C6orf52: variants seen among roughly 807,000 people sequenced by gnomAD.
C6orf52 encodes the protein chromosome 6 open reading frame 52.
C6orf52 carries 16 observed loss-of-function variants against 16.6 expected under a neutral mutation model. That is an observed-to-expected ratio of 0.96 (90% CI 0.65 to 1.46). C6orf52 has a LOEUF of 1.46. Ranked by LOEUF, C6orf52 falls within the 40% of genes most tolerant of loss-of-function variation. The pLI is 0.00. For missense variants in C6orf52, 166 were observed against 182.3 expected, an observed-to-expected ratio of 0.91 and a Z score of 0.52; for synonymous variants, 53 against 61.4, an observed-to-expected ratio of 0.86 and a Z score of 0.64.
At chr6:10,690,504 C>T (rs976859102) in intron 1 of C6orf52, among the ~76,000 whole-genome samples, 1 of 152,130 alleles carries the variant, frequency 6.6e-6, no homozygotes, top group African/African-American at 2.4e-5. Context: ...GAGAATTCAG[C>T]AGGAATATGA....
intron 4 of C6orf52, among the ~76,000 whole-genome samples, chr6:10,673,424 A>G (rs1453750412): frequency 6.6e-6 from 1 of 152,252 alleles, no homozygotes; most frequent in African/African-American, 2.4e-5. Context: ...ATGTTGTCCA[A>G]CACAGTAGCC....
intron 4 of C6orf52, among the ~76,000 whole-genome samples, chr6:10,675,494 G>T (rs1035465402): frequency 6.6e-6 from 1 of 152,192 alleles, no homozygotes; most frequent in Admixed American, 6.5e-5. Context: ...AGACACGGAG[G>T]TACAGATGTC....
In C6orf52 at chr6:10,671,524, G is replaced by A; in HGVS notation, c.391C>T (p.Leu131Phe). The A allele has an allele frequency of 6.5e-7, 1 of 1,549,296 alleles. No homozygotes were observed. The highest frequency in any genetic ancestry group is 8.7e-7 in the Non-Finnish European group (1 of 1,145,110). Residue 131 changes from leucine to phenylalanine, a missense_variant, in exon 5 of 5, where the codon CTC becomes TTC. Physicochemically the swap from Leu to Phe is conservative, Grantham distance 22 (BLOSUM62 0). Transcript: ENST00000259983. ...AGAGGCTGCCAGTGGCAATTCATGA[G>A]GGAGTCGTAGAGTTCTTCACTTTTC... ...MVKSEELYDS[L>F]MNCHWQPLDT...
chr6:10,685,517 T>G (rs529093262), intron 3 of C6orf52, among the ~76,000 whole-genome samples: 1 of 152,312 alleles, frequency 6.6e-6, no homozygotes, highest in East Asian at 1.9e-4. Flanking sequence ...GATATAAAAT[T>G]CAATTTTCAT....
intron 4 of C6orf52, among the ~76,000 whole-genome samples, chr6:10,677,679 G>A (rs1004923153): frequency 2.0e-5 from 3 of 151,440 alleles, no homozygotes; most frequent in Admixed American, 6.6e-5. Context: ...CTACAGGCAC[G>A]CATGCCACTA....
intron 4 of C6orf52, among the ~76,000 whole-genome samples, chr6:10,675,453 G>T (rs1767795961): frequency 6.6e-6 from 1 of 152,070 alleles, no homozygotes; most frequent in South Asian, 2.1e-4. Flanking sequence ...GTTTGATTCT[G>T]TATCTTGGCT....
chr6:10,688,277 G>C (rs1769022608), intron 1 of C6orf52, among the ~76,000 whole-genome samples: 1 of 152,030 alleles, frequency 6.6e-6, no homozygotes, highest in Non-Finnish European at 1.5e-5. Flanking sequence ...TTAAAATGTA[G>C]GTTCTCTAAC....
intron 4 of C6orf52, among the ~76,000 whole-genome samples, chr6:10,675,060 C>T (rs1442432274): frequency 6.6e-6 from 1 of 152,052 alleles, no homozygotes; most frequent in Admixed American, 6.6e-5. Flanking sequence ...CCACCCACCT[C>T]GGCCTCCCAA....
intron 4 of C6orf52, among the ~76,000 whole-genome samples, chr6:10,674,419 C>T (rs1382088212): frequency 1.3e-5 from 2 of 152,120 alleles, no homozygotes; most frequent in African/African-American, 4.8e-5. Context: ...TTTAAAATTA[C>T]CCACATGGAT....
intron 1 of C6orf52, among the ~76,000 whole-genome samples, chr6:10,689,750 G>C (rs1769134620): frequency 6.6e-6 from 1 of 152,164 alleles, no homozygotes; most frequent in African/African-American, 2.4e-5. Context: ...GTGACATCCA[G>C]GAAGGCATCA....
intron 3 of C6orf52, chr6:10,684,917 G>C (rs1482438331): frequency 7.8e-7 from 1 of 1,285,004 alleles, no homozygotes; most frequent in African/African-American, 1.5e-5. Flanking sequence ...GATGGCACAG[G>C]GGGTCACTAC....
chr6:10,687,129 T>C lies in C6orf52; in HGVS notation c.107A>G (p.Gln36Arg), dbSNP rs1318612944. Residue 36 changes from glutamine (Q) to arginine (R), a missense_variant, in exon 3 of 5, where the codon CAG becomes CGG. Physicochemically the swap from Gln to Arg is conservative, Grantham distance 43. Coordinates refer to ENST00000259983, the MANE Select transcript of C6orf52 (RefSeq NM_001145020.3). Reference sequence around the variant, plus strand: ...GCCATAGCGGTAACTCTGGCTGGGCTGGAACTCCTGCTTCACTCTAATAGC... The same window carrying C: ...GCCATAGCGGTAACTCTGGCTGGGCCGGAACTCCTGCTTCACTCTAATAGC... ...PSAIRVKQEF[Q>R]PSQSYRYGNW... 1 of 1,551,628 alleles carries C rather than the reference T, an allele frequency of 6.4e-7. No individual in the cohort carries two copies. The highest frequency in any genetic ancestry group is 1.2e-5 in the South Asian group (1 of 84,034).
At chr6:10,679,273 C>CT (rs1768154030) in intron 4 of C6orf52, among the ~76,000 whole-genome samples, 1 of 151,776 alleles carries the variant, frequency 6.6e-6, no homozygotes, top group South Asian at 2.1e-4. Flanking sequence ...AACCCCATCT[C>CT]TACTAAAAAT....
Position 10,694,547 on chromosome 6 carries a change from CCTACTAGTACA to C in C6orf52, c.-76_-66del, listed in dbSNP as rs1769689071. 6.3e-6 allele frequency: 1 copy of C among 158,888 alleles called. No individual in the cohort carries two copies. The highest frequency in any genetic ancestry group is 1.4e-5 in the Non-Finnish European group (1 of 70,964). 9.8% of individuals were successfully genotyped at this position (158,888 alleles called of 1,614,324 possible). Reference sequence around the variant, plus strand: ...CTGGTCCCTGAACAAAAACTCCTACCCTACTAGTACACAGCCCACAACAATGCACGCTGCCG... The same window carrying C: ...CTGGTCCCTGAACAAAAACTCCTACCCAGCCCACAACAATGCACGCTGCCG... On this transcript the variant is annotated 5_prime_UTR_variant, in exon 1 of 5. Coordinates refer to ENST00000259983, the MANE Select transcript of C6orf52 (RefSeq NM_001145020.3).
chr6:10,677,224 C>G (rs568359676), intron 4 of C6orf52, among the ~76,000 whole-genome samples: 1 of 152,288 alleles, frequency 6.6e-6, no homozygotes, highest in South Asian at 2.1e-4. Flanking sequence ...TAATTTCATT[C>G]TTTTGCATGT....
intron 4 of C6orf52, among the ~76,000 whole-genome samples, chr6:10,677,456 C>CTT (rs572571864): frequency 5.9e-5 from 8 of 134,476 alleles, no homozygotes; most frequent in African/African-American, 1.9e-4. Context: ...TGCCTTCACC[C>CTT]TTTTTTTTTT....
intron 1 of C6orf52, among the ~76,000 whole-genome samples, chr6:10,693,354 A>G (rs1769527511): frequency 6.6e-6 from 1 of 152,234 alleles, no homozygotes; most frequent in Non-Finnish European, 1.5e-5. Context: ...TTTTGTCTCC[A>G]TGCTGACTTT....
At chr6:10,683,630 A>G (rs1474269700) in intron 3 of C6orf52, among the ~76,000 whole-genome samples, 2 of 152,156 alleles carry the variant, frequency 1.3e-5, no homozygotes, top group Non-Finnish European at 2.9e-5. Flanking sequence ...CCAGAAGACA[A>G]TCTGTTAAGT....
Position 10,694,568 on chromosome 6 carries a change from A to G in C6orf52, c.-86T>C, listed in dbSNP as rs186798843. ...CTACCCTACTAGTACACAGCCCACA[A>G]CAATGCACGCTGCCGGCGCTACAGC... On this transcript the variant is annotated 5_prime_UTR_variant, in exon 1 of 5. Transcript: ENST00000259983. The G allele has an allele frequency of 1.6e-5, 3 of 186,536 alleles. No homozygotes were observed. Among genetic ancestry groups the G allele is most frequent in the Non-Finnish European group, 3.5e-5 (3 of 85,512 alleles). The allele number at this position is 186,536 out of a possible 1,614,324, so 11.6% of individuals were successfully genotyped here. A position where few individuals can be genotyped will look rare whatever the true frequency, so the allele number is the denominator to read the frequency against.
Sources: gnomAD v4.1 joint callset for allele counts (sites outside exome capture counted in the v4.1 genomes callset) on GRCh38, gnomAD v4.1.1 for gene constraint, MANE v1.5 for transcripts, NCBI Gene and HGNC (gene_info 2026-07-23, HGNC 2026-07-21) for gene names.